The following GPBP1L1 variants were observed in gnomAD, a reference collection of about 807,000 sequenced individuals.
GPBP1L1 encodes the protein GC-rich promoter binding protein 1 like 1.
In GPBP1L1, 23 loss-of-function variants were observed where a neutral mutation model predicts 52.5. The observed-to-expected ratio is 0.44, with a 90% CI of 0.32 to 0.62. The LOEUF is 0.62. Among genes scored for constraint, GPBP1L1 ranks in the 20% least tolerant of loss-of-function variants. The pLI, the probability that GPBP1L1 is intolerant of heterozygous loss-of-function variation, is 0.06. For missense variants in GPBP1L1, 596 were observed against 579.3 expected, an observed-to-expected ratio of 1.03 and a Z score of -0.30; for synonymous variants, 243 against 203.1, an observed-to-expected ratio of 1.20 and a Z score of -1.67.
chr1:45,649,044 C>T (rs1448858142), intron 6 of GPBP1L1, among the ~76,000 whole-genome samples: 1 of 152,108 alleles, frequency 6.6e-6, no homozygotes, highest in African/African-American at 2.4e-5. Flanking sequence ...TAATTTTGTG[C>T]AGGAAACAAA....
chr1:45,675,147 A>G (rs1645123054), intron 2 of GPBP1L1, among the ~76,000 whole-genome samples: 1 of 151,952 alleles, frequency 6.6e-6, no homozygotes, highest in Non-Finnish European at 1.5e-5. Context: ...AAATACAAAA[A>G]TTAGCTGGGC....
At chr1:45,684,185 GA>G (rs1464215249) in intron 2 of GPBP1L1, among the ~76,000 whole-genome samples, 1 of 144,436 alleles carries the variant, frequency 6.9e-6, no homozygotes, top group East Asian at 2.1e-4. Context: ...TTGAACCCAG[GA>G]GGCGGAGGTT....
chr1:45,675,710 T>C (rs1288912327), intron 2 of GPBP1L1, among the ~76,000 whole-genome samples: 1 of 152,128 alleles, frequency 6.6e-6, no homozygotes, highest in South Asian at 2.1e-4. Flanking sequence ...TGGCTATATT[T>C]TGTAATTTTT....
chr1:45,680,430 G>C (rs969121137), intron 2 of GPBP1L1, among the ~76,000 whole-genome samples: 1 of 151,664 alleles, frequency 6.6e-6, no homozygotes, highest in African/African-American at 2.4e-5. Context: ...GTAGAGACAG[G>C]GTTTCACCAT....
intron 6 of GPBP1L1, among the ~76,000 whole-genome samples, chr1:45,643,958 T>TG (rs1481730001): frequency 6.6e-6 from 1 of 152,102 alleles, no homozygotes; most frequent in Non-Finnish European, 1.5e-5. Context: ...TGAGCCACTG[T>TG]GCCCAGCAGG....
rs113388167 is a variant in GPBP1L1 at position 45,643,658 on chromosome 1, CTTTTTTTTTTTTTTTT to C, written c.478-1175_478-1160del. Among the ~76,000 whole-genome samples the C allele has an allele frequency of 3.8e-3, 246 of 65,150 alleles. 7 individuals carry two copies. The highest frequency in any genetic ancestry group is 0.031 in the East Asian group (61 of 1,954). The allele number at this position is 65,150 out of a possible 152,430, so 42.7% of individuals were successfully genotyped here. ...ATCTGGTAACAGGGTAGGAGAATGGCTTTTTTTTTTTTTTTTTTTTTTTTTTTTTGTGACAGAGTGT... is the reference window on the plus strand; with the variant it reads ...ATCTGGTAACAGGGTAGGAGAATGGCTTTTTTTTTTTTTGTGACAGAGTGT... On this transcript the variant is annotated intron_variant, in intron 6 of 12. Coordinates refer to ENST00000355105, the MANE Select transcript of GPBP1L1 (RefSeq NM_021639.5).
intron 2 of GPBP1L1, among the ~76,000 whole-genome samples, chr1:45,669,188 C>A (rs1440098537): frequency 6.6e-6 from 1 of 152,112 alleles, no homozygotes; most frequent in Non-Finnish European, 1.5e-5. Flanking sequence ...TTTTTGGAGA[C>A]AGGGTCTCAC....
Position 45,642,456 on chromosome 1 carries a change from C to A in GPBP1L1, c.521G>T (p.Arg174Ile), listed in dbSNP as rs1175382326. 6.2e-7 allele frequency: 1 copy of A among 1,613,954 alleles called. No homozygotes were observed. Among genetic ancestry groups the A allele is most frequent in the African/African-American group, 1.3e-5 (1 of 75,002 alleles). The change falls in exon 7 of 13, where the codon AGA (arginine) becomes ATA (isoleucine). Residue 174 changes from arginine to isoleucine, a missense_variant. Coordinates refer to ENST00000355105, the MANE Select transcript of GPBP1L1 (RefSeq NM_021639.5). ...PEAGKQHQPC[R>I]PIGTPSGVWE... Reference sequence around the variant, plus strand: ...TACTCCAGAAGGTGTCCCAATAGGTCTGCATGGCTGATGCTGTTTGCCAGC... The same window carrying A: ...TACTCCAGAAGGTGTCCCAATAGGTATGCATGGCTGATGCTGTTTGCCAGC...
intron 2 of GPBP1L1, among the ~76,000 whole-genome samples, chr1:45,664,187 G>C (rs1201791604): frequency 1.3e-5 from 2 of 152,186 alleles, no homozygotes. Flanking sequence ...GGGCATGGTG[G>C]CAAGCGCCTG....
At chr1:45,677,282 G>A (rs1472982774) in intron 2 of GPBP1L1, among the ~76,000 whole-genome samples, 1 of 151,146 alleles carries the variant, frequency 6.6e-6, no homozygotes, top group Non-Finnish European at 1.5e-5. Flanking sequence ...GTTGCAGTGA[G>A]TGAGCTGAGA....
At chr1:45,651,760 T>C (rs925918947) in intron 6 of GPBP1L1, 5 of 342,044 alleles carry the variant, frequency 1.5e-5, no homozygotes, top group Non-Finnish European at 2.7e-5. Context: ...CTTTCTTGGC[T>C]CTGCTTCTTG....
chr1:45,666,513 A>G (rs952353327), intron 2 of GPBP1L1, among the ~76,000 whole-genome samples: 2 of 152,174 alleles, frequency 1.3e-5, no homozygotes, highest in Admixed American at 1.3e-4. Flanking sequence ...CACAGCATGT[A>G]TCTAGCATGG....
At position 45,659,045 on chromosome 1, in the gene GPBP1L1, T is replaced by C. The variant is rs1480577489; in HGVS notation, c.43A>G (p.Thr15Ala). 1 of 1,612,192 alleles carries C rather than the reference T, an allele frequency of 6.2e-7. No individual in the cohort carries two copies. Among genetic ancestry groups the C allele is most frequent in the Non-Finnish European group, 8.5e-7 (1 of 1,178,180 alleles). The change falls in exon 4 of 13, where the codon ACA becomes GCA. Residue 15 changes from threonine (T) to alanine (A), a missense_variant. Physicochemically the swap from Thr to Ala is moderately conservative, Grantham distance 58. Coordinates refer to ENST00000355105, the MANE Select transcript of GPBP1L1 (RefSeq NM_021639.5). Reference sequence around the variant, plus strand: ...AACAGTACCTTAGCTGACTGTGGTGTTGAGAAATTTAGCCAAGCAGGAACA... The same window carrying C: ...AACAGTACCTTAGCTGACTGTGGTGCTGAGAAATTTAGCCAAGCAGGAACA... The part of the protein sequence containing the change: ...DFVPAWLNFS[T>A]PQSAKSPTAT...
At chr1:45,628,489 G>A in intron 12 of GPBP1L1, 81 bp from the exon 13 acceptor site, 16 of 1,358,678 alleles carry the variant, frequency 1.2e-5, no homozygotes, top group Non-Finnish European at 1.6e-5. Flanking sequence ...GAAAGGCCAG[G>A]CCTCAATTCA....
chr1:45,670,848 AG>A (rs1645066033), intron 2 of GPBP1L1, among the ~76,000 whole-genome samples: 9 of 136,026 alleles, frequency 6.6e-5, no homozygotes, highest in African/African-American at 2.3e-4. Context: ...GCTGGAGTGC[AG>A]TGGTGTGATC....
At chr1:45,669,222 T>C (rs1032712222) in intron 2 of GPBP1L1, among the ~76,000 whole-genome samples, 6 of 152,234 alleles carry the variant, frequency 3.9e-5, no homozygotes, top group African/African-American at 9.6e-5. Flanking sequence ...CTAGAGTACA[T>C]TGGCACAATC....
intron 7 of GPBP1L1, 51 bp downstream of exon 7, chr1:45,642,373 CCTG>C: frequency 1.7e-6 from 2 of 1,178,734 alleles, no homozygotes; most frequent in Admixed American, 1.8e-5. Context: ...TGCTCCCCTC[CCTG>C]CTAAGAAAAA....
Position 45,627,734 on chromosome 1 carries a change from AC to A in GPBP1L1, c.*521del, listed in dbSNP as rs199671356. ...CCCAAAAAGGAAAAAGAAAAAAAAA[AC>A]AAAAAAAAACAACCAAAAAAACCCA... On this transcript the variant is annotated 3_prime_UTR_variant, in exon 13 of 13. Coordinates refer to ENST00000355105, the MANE Select transcript of GPBP1L1 (RefSeq NM_021639.5). 4.4e-5 allele frequency: 6 copies of A among 137,420 alleles called. No homozygotes were observed. Among genetic ancestry groups the A allele is most frequent in the Admixed American group, 7.5e-5 (1 of 13,422 alleles). 8.5% of individuals were successfully genotyped at this position (137,420 alleles called of 1,614,324 possible).
chr1:45,628,546 G>T (rs1644487486), intron 12 of GPBP1L1, 138 bp from the exon 13 acceptor site: 2 of 667,682 alleles, frequency 3.0e-6, no homozygotes, highest in African/African-American at 1.8e-5. Context: ...GAGACCCTCT[G>T]AGATCTCTTA....
Sources: allele counts gnomAD v4.1 joint callset (sites outside exome capture counted in the v4.1 genomes callset), GRCh38; gene constraint gnomAD v4.1.1; transcripts MANE v1.5; gene names NCBI Gene and HGNC (gene_info 2026-07-23, HGNC 2026-07-21).